ADNP: variants seen among roughly 807,000 people sequenced by gnomAD.
ADNP encodes the protein activity dependent neuroprotector homeobox.
A neutral mutation model predicts 84.9 loss-of-function variants in ADNP; 4 were observed. That is an observed-to-expected ratio of 0.05 (90% CI 0.02 to 0.11). The LOEUF (loss-of-function observed/expected upper bound fraction) is 0.11, where lower values mean the gene tolerates loss of function less well. Ranked by LOEUF, ADNP falls within the 10% of genes least tolerant of loss-of-function variation. ADNP has a pLI of 1.00. For synonymous variants in ADNP, 554 were observed against 468.1 expected, an observed-to-expected ratio of 1.18 and a Z score of -2.37; for missense variants, 1,132 against 1,326.0, an observed-to-expected ratio of 0.85 and a Z score of 2.27.
Position 50,890,927 on chromosome 20 carries a change from T to C in ADNP, c.*478A>G. On this transcript the variant is annotated 3_prime_UTR_variant, in exon 6 of 6. Transcript: ENST00000621696. ...AACAGGATCATGAGCATCACTTGAATAGGTCTAAAAGACTGTACAAATATA... is the reference window on the plus strand; with the variant it reads ...AACAGGATCATGAGCATCACTTGAACAGGTCTAAAAGACTGTACAAATATA... 1.0e-6 allele frequency: 1 copy of C among 986,088 alleles called. No homozygotes were observed. Among genetic ancestry groups the C allele is most frequent in the African/African-American group, 1.7e-5 (1 of 57,392 alleles). The allele number at this position is 986,088 out of a possible 1,614,324, so 61.1% of individuals were successfully genotyped here.
intron 2 of ADNP, among the ~76,000 whole-genome samples, chr20:50,905,759 C>T (rs1982416666): frequency 6.6e-6 from 1 of 152,202 alleles, no homozygotes; most frequent in Non-Finnish European, 1.5e-5. Context: ...TGCTAATAAT[C>T]TGCATATTGT....
intron 1 of ADNP, 103 bp from the exon 2 acceptor site, chr20:50,928,928 G>A (rs1984461551): frequency 6.6e-6 from 1 of 152,206 alleles, no homozygotes; most frequent in African/African-American, 2.4e-5. Flanking sequence ...AAGGTGGTTG[G>A]CTGCTGAGAT....
At position 50,892,558 on chromosome 20, in the gene ADNP, T is replaced by G. The variant is rs370204150; in HGVS notation, c.2156A>C (p.Tyr719Ser). ...SPSLAPVKRT[Y>S]EQMEFPLLKK... ...CAGTAAGGGAAATTCCATTTGCTCG[T>G]AAGTGCGCTTCACAGGTGCCAGACT... The change falls in exon 6 of 6, where the codon TAC becomes TCC. Residue 719 changes from tyrosine to serine, a missense_variant. Physicochemically the swap from Tyr to Ser is moderately radical, Grantham distance 144. Coordinates refer to ENST00000621696, the MANE Select transcript of ADNP (RefSeq NM_001282531.3). The G allele has an allele frequency of 1.5e-5, 24 of 1,614,122 alleles. No homozygotes were observed. The highest frequency in any genetic ancestry group is 3.4e-6 in the Non-Finnish European group (4 of 1,180,052).
intron 2 of ADNP, among the ~76,000 whole-genome samples, chr20:50,912,959 G>A (rs889092504): frequency 6.6e-6 from 1 of 151,894 alleles, no homozygotes; most frequent in Non-Finnish European, 1.5e-5. Flanking sequence ...TGAAGAAAAC[G>A]GCAGCTGTCA....
At position 50,891,568 on chromosome 20, in the gene ADNP, T is replaced by G; in HGVS notation, c.3146A>C (p.Asn1049Thr). The G allele has an allele frequency of 6.2e-7, 1 of 1,612,778 alleles. No individual in the cohort carries two copies. Among genetic ancestry groups the G allele is most frequent in the Non-Finnish European group, 8.5e-7 (1 of 1,180,038 alleles). Reference protein sequence around the residue: ...FWSKDQSQWKNASENDERLSN... With the variant: ...FWSKDQSQWKTASENDERLSN... Reference sequence around the variant, plus strand: ...TAAGCGCTCATCATTCTCAGATGCATTCTTCCACTGTGACTGGTCCTTAGA... The same window carrying G: ...TAAGCGCTCATCATTCTCAGATGCAGTCTTCCACTGTGACTGGTCCTTAGA... Residue 1049 changes from asparagine (N) to threonine (T), a missense_variant, in exon 6 of 6, where the codon AAT becomes ACT. Physicochemically the swap from Asn to Thr is moderately conservative, Grantham distance 65. This residue lies in a region of ADNP where 381 missense variants were observed against 319.9 expected (regional missense o/e 1.19). Transcript: ENST00000621696.
In ADNP at chr20:50,893,518, G is replaced by A. The variant is rs753551478; in HGVS notation, c.1196C>T (p.Ala399Val). 1.2e-6 allele frequency: 2 copies of A among 1,613,742 alleles called. No individual in the cohort carries two copies. Among genetic ancestry groups the A allele is most frequent in the Non-Finnish European group, 1.7e-6 (2 of 1,179,998 alleles). ...PARYSLQSAN[A>V]SSLSSGQLKS... Reference sequence around the variant, plus strand: ...TAACTGGCCCGATGAGAGAGAAGAGGCATTAGCAGACTGCAGGGAGTATCT... The same window carrying A: ...TAACTGGCCCGATGAGAGAGAAGAGACATTAGCAGACTGCAGGGAGTATCT... Residue 399 changes from alanine (A) to valine (V), a missense_variant, in exon 6 of 6, where the codon GCC becomes GTC. Ala to Val is a moderately conservative substitution (Grantham distance 64). Coordinates refer to ENST00000621696, the MANE Select transcript of ADNP (RefSeq NM_001282531.3). The surrounding 1 kb of genome is among the most constrained non-coding windows in gnomAD (Gnocchi z 4.4).
At chr20:50,919,645 A>G (rs1007815971) in intron 2 of ADNP, among the ~76,000 whole-genome samples, 1 of 151,452 alleles carries the variant, frequency 6.6e-6, no homozygotes, top group Admixed American at 6.6e-5. Context: ...AGGAGGCTTC[A>G]TGTTTAGTTC....
chr20:50,923,105 G>T (rs548249408), intron 2 of ADNP, among the ~76,000 whole-genome samples: 12 of 152,260 alleles, frequency 7.9e-5, no homozygotes, highest in African/African-American at 2.9e-4. Context: ...CGGTAATGGG[G>T]TTATGGGTGT....
rs73909825 is a variant in ADNP at position 50,889,532 on chromosome 20, A to C, written c.*1873T>G. The C allele has an allele frequency of 0.025, 5,419 of 216,106 alleles. 271 individuals carry two copies. Among genetic ancestry groups the C allele is most frequent in the African/African-American group, 0.11 (4,750 of 44,182 alleles). The allele number at this position is 216,106 out of a possible 1,614,324, so 13.4% of individuals were successfully genotyped here. ...CACTTCTTCCTGTACTGTTGTTGAG[A>C]AGCTTACATTTTAGGGAGAGGCTGG... On this transcript the variant is annotated 3_prime_UTR_variant, in exon 6 of 6. Coordinates refer to ENST00000621696, the MANE Select transcript of ADNP (RefSeq NM_001282531.3).
Position 50,893,478 on chromosome 20 carries a change from G to C in ADNP, c.1236C>G (p.Leu412=). 5.0e-6 allele frequency: 8 copies of C among 1,613,972 alleles called. No individual in the cohort carries two copies. The highest frequency in any genetic ancestry group is 5.9e-6 in the Non-Finnish European group (7 of 1,180,042). Residue 412 remains leucine (L), a synonymous_variant, in exon 6 of 6, where the codon CTC becomes CTG. Coordinates refer to ENST00000621696, the MANE Select transcript of ADNP (RefSeq NM_001282531.3). The surrounding 1 kb of genome is among the most constrained non-coding windows in gnomAD (Gnocchi z 4.4). ...LSSGQLKSPS[L]SQSQASRVLG... is the part of the protein sequence containing the mutation. ...ACACTCTGGATGCCTGTGACTGAGA[G>C]AGGGAAGGAGACTTTAACTGGCCCG...
chr20:50,898,623 AGTCCT>A (rs1373739047), intron 5 of ADNP, among the ~76,000 whole-genome samples: 1 of 152,224 alleles, frequency 6.6e-6, no homozygotes, highest in Non-Finnish European at 1.5e-5. Context: ...CCACCTTCGT[AGTCCT>A]TAATCACTTC....
At chr20:50,925,884 T>C (rs2123004488) in intron 2 of ADNP, among the ~76,000 whole-genome samples, 1 of 152,362 alleles carries the variant, frequency 6.6e-6, no homozygotes, top group East Asian at 1.9e-4. Flanking sequence ...GCGGATCACC[T>C]GAGGTCAGCA....
In ADNP at chr20:50,890,977, C is replaced by T; in HGVS notation, c.*428G>A. On this transcript the variant is annotated 3_prime_UTR_variant, in exon 6 of 6. Transcript: ENST00000621696. Reference sequence around the variant, plus strand: ...ACATTTCAACTATTCAGAATGAATACATGAAAAAAAATCGCTTTTCCCAAA... The same window carrying T: ...ACATTTCAACTATTCAGAATGAATATATGAAAAAAAATCGCTTTTCCCAAA... 1.0e-6 allele frequency: 1 copy of T among 993,530 alleles called. No individual in the cohort carries two copies. The highest frequency in any genetic ancestry group is 1.2e-6 in the Non-Finnish European group (1 of 835,864). The allele number at this position is 993,530 out of a possible 1,614,324, so 61.5% of individuals were successfully genotyped here. A position where few individuals can be genotyped will look rare whatever the true frequency, so the allele number is the denominator to read the frequency against.
chr20:50,893,413 C>T lies in ADNP; in HGVS notation c.1301G>A (p.Gly434Asp). 6.2e-7 allele frequency: 1 copy of T among 1,614,124 alleles called. No homozygotes were observed. The highest frequency in any genetic ancestry group is 8.5e-7 in the Non-Finnish European group (1 of 1,180,032). The change falls in exon 6 of 6, where the codon GGC becomes GAC. Residue 434 changes from glycine (G) to aspartate (D), a missense_variant. Gly to Asp is a moderately conservative substitution (Grantham distance 94). Around this residue, in one of 10 missense-constraint regions of ADNP, gnomAD observed 239 missense variants for 213.2 expected, o/e 1.12. Coordinates refer to ENST00000621696, the MANE Select transcript of ADNP (RefSeq NM_001282531.3). This position sits in a 1 kb window ranked among gnomAD's most constrained non-coding sequence, Gnocchi z 4.4. Reference sequence around the variant, plus strand: ...TGAGGAAGTGTTACCTGGGGGAGGGCCTGTGGCAGCTGCAGCAGGTTTGGA... The same window carrying T: ...TGAGGAAGTGTTACCTGGGGGAGGGTCTGTGGCAGCTGCAGCAGGTTTGGA... The part of the protein sequence containing the change: ...SSSKPAAAAT[G>D]PPPGNTSSTQ...
intron 5 of ADNP, among the ~76,000 whole-genome samples, chr20:50,895,541 C>A (rs993822297): frequency 8.5e-5 from 13 of 152,252 alleles, no homozygotes; most frequent in Non-Finnish European, 1.5e-4. Flanking sequence ...TTAGGCTACA[C>A]AAGTTTTACT....
intron 3 of ADNP, 79 bp from the exon 4 acceptor site, chr20:50,904,080 C>CA (rs1982243480): frequency 9.1e-7 from 1 of 1,099,296 alleles, no homozygotes; most frequent in Non-Finnish European, 1.3e-6. Flanking sequence ...ATGATAGGAT[C>CA]ATAAAACCTA....
At chr20:50,924,185 G>A (rs1380752784) in intron 2 of ADNP, among the ~76,000 whole-genome samples, 1 of 152,178 alleles carries the variant, frequency 6.6e-6, no homozygotes, top group Non-Finnish European at 1.5e-5. Flanking sequence ...CAGACTGACT[G>A]TCTTAAACTA....
chr20:50,912,405 C>A (rs6512684), intron 2 of ADNP, among the ~76,000 whole-genome samples: 14,470 of 152,134 alleles, frequency 0.095, 1,866 homozygotes, highest in African/African-American at 0.29. Context: ...CTGTCTTGGC[C>A]TCCCAAAGTG....
intron 5 of ADNP, 140 bp from the exon 6 acceptor site, chr20:50,894,652 T>C: frequency 1.1e-6 from 1 of 922,370 alleles, no homozygotes; most frequent in Non-Finnish European, 1.6e-6. Context: ...CCCAGCACTT[T>C]GGGAGGCTGA....
Sources: allele counts gnomAD v4.1 joint callset (sites outside exome capture counted in the v4.1 genomes callset), GRCh38; gene constraint gnomAD v4.1.1; regional missense constraint gnomAD v4.1.1; non-coding constraint Gnocchi (gnomAD v3.1); transcripts MANE v1.5; gene names NCBI Gene and HGNC (gene_info 2026-07-23, HGNC 2026-07-21).